LNX1: variants seen among roughly 807,000 people sequenced by gnomAD.
LNX1 encodes the protein ligand of numb-protein X 1.
LNX1 carries 54 observed loss-of-function variants against 68.4 expected under a neutral mutation model. The ratio of observed to expected loss-of-function variants is 0.79; its 90% CI spans 0.63 to 0.99. The LOEUF (loss-of-function observed/expected upper bound fraction) is 0.99, where lower values mean the gene tolerates loss of function less well. LNX1 is among the 50% of genes least tolerant of loss of function. The pLI is 0.00. For synonymous variants in LNX1, 336 were observed against 350.0 expected (o/e 0.96, Z 0.45); for missense variants, 906 against 926.4 (o/e 0.98, Z 0.29).
chr4:53,505,265 CT>C (rs556353878), intron 4 of LNX1, among the ~76,000 whole-genome samples: 75 of 147,548 alleles, frequency 5.1e-4, no homozygotes, highest in Admixed American at 9.4e-4. Flanking sequence ...TTCAAGATAA[CT>C]TTTTTTTTTT....
intron 9 of LNX1, among the ~76,000 whole-genome samples, chr4:53,466,525 A>G (rs1283203417): frequency 6.6e-6 from 1 of 152,212 alleles, no homozygotes; most frequent in African/African-American, 2.4e-5. Flanking sequence ...AGCACGAGCC[A>G]AAGCAGGGCA....
intron 1 of LNX1, among the ~76,000 whole-genome samples, chr4:53,640,341 C>T (rs542236266): frequency 6.6e-6 from 1 of 152,170 alleles, no homozygotes; most frequent in African/African-American, 2.4e-5. Flanking sequence ...GGGAGAGCAT[C>T]CTTAGCTGTG....
rs114820452 is a variant in LNX1 at position 53,583,761 on chromosome 4, G to A, written c.-87+7627C>T. Reference sequence around the variant, plus strand: ...ATTAGACGCAAGTTTTAGAAGTCAGGGAATGCCTTTCATAAGCAGGTTAGA... The same window carrying A: ...ATTAGACGCAAGTTTTAGAAGTCAGAGAATGCCTTTCATAAGCAGGTTAGA... On this transcript the variant is annotated intron_variant, in intron 1 of 10. Coordinates refer to ENST00000263925, the MANE Select transcript of LNX1 (RefSeq NM_001126328.3). 8.7e-3 allele frequency among the ~76,000 whole-genome samples: 1,332 copies of A among 152,244 alleles called. 13 individuals are homozygous for A. The highest frequency in any genetic ancestry group is 0.03 in the African/African-American group (1,248 of 41,550).
At chr4:53,527,712 C>T (rs1258551361) in intron 2 of LNX1, among the ~76,000 whole-genome samples, 1 of 152,204 alleles carries the variant, frequency 6.6e-6, no homozygotes, top group Admixed American at 6.5e-5. Flanking sequence ...CTCATACTCA[C>T]ACATCCAAAT....
At chr4:53,469,138 G>A (rs1298117595) in intron 9 of LNX1, among the ~76,000 whole-genome samples, 17 of 151,978 alleles carry the variant, frequency 1.1e-4, no homozygotes, top group African/African-American at 4.1e-4. Flanking sequence ...ATAACAAACT[G>A]TCTCTCAGAC....
intron 2 of LNX1, among the ~76,000 whole-genome samples, chr4:53,612,537 A>G (rs1733536218): frequency 6.6e-6 from 1 of 152,174 alleles, no homozygotes; most frequent in African/African-American, 2.4e-5. Flanking sequence ...GGAAAAATAC[A>G]GTCATTAAGA....
intron 8 of LNX1, 64 bp downstream of exon 8, chr4:53,478,501 C>A (rs1723710612): frequency 5.7e-6 from 8 of 1,398,618 alleles, no homozygotes; most frequent in South Asian, 1.3e-5. Context: ...AGTCACCTAA[C>A]AAGCTACTAA....
At chr4:53,538,274 C>G (rs546483811) in intron 2 of LNX1, among the ~76,000 whole-genome samples, 13 of 152,306 alleles carry the variant, frequency 8.5e-5, no homozygotes, top group Non-Finnish European at 1.8e-4. Flanking sequence ...GGACTGCCTA[C>G]AGAACAGTTG....
rs777462181 is a variant in LNX1 at position 53,573,946 on chromosome 4, T to A, written c.57A>T (p.Gln19His). 6.2e-7 allele frequency: 1 copy of A among 1,613,768 alleles called. No homozygotes were observed. Residue 19 changes from glutamine to histidine, a missense_variant, in exon 2 of 11, where the codon CAA becomes CAT. By Grantham distance (24) the Gln-to-His change is conservative (BLOSUM62 0). Coordinates refer to ENST00000263925, the MANE Select transcript of LNX1 (RefSeq NM_001126328.3). ...DPEPLCAVCGQAHSLEENHFY... is the reference protein window; with the variant it reads ...DPEPLCAVCGHAHSLEENHFY... ...AGTGGTTTTCCTCCAAGGAGTGGGC[T>A]TGGCCACACACTGCACACAGGGGTT...
intron 2 of LNX1, among the ~76,000 whole-genome samples, chr4:53,533,633 C>T (rs1243894231): frequency 2.0e-5 from 3 of 152,102 alleles, no homozygotes; most frequent in Non-Finnish European, 4.4e-5. Context: ...CTCCTGTCCT[C>T]GAGTGATCCG....
rs574585243 is a variant in LNX1, at chr4:53,480,574, G to A, written c.1485+1146C>T. On this transcript the variant is annotated intron_variant, in intron 7 of 10. Coordinates refer to ENST00000263925, the MANE Select transcript of LNX1 (RefSeq NM_001126328.3). ...GCATTTACTAGCAAAAAGACATCAC[G>A]GAGTCCTTATCCATAAAATGTTTTA... is the stretch of plus-strand genomic sequence containing the variant. Among the ~76,000 whole-genome samples, 5 of 152,160 alleles carry A rather than the reference G, an allele frequency of 3.3e-5. No individual in the cohort carries two copies. In the South Asian group the frequency reaches 1.0e-3, roughly 32 times the overall value.
chr4:53,525,842 G>T (rs1248828407), intron 2 of LNX1, among the ~76,000 whole-genome samples: 2 of 152,168 alleles, frequency 1.3e-5, no homozygotes, highest in Non-Finnish European at 2.9e-5. Context: ...TTGGTGTGGG[G>T]AGGCACTGGC....
intron 6 of LNX1, among the ~76,000 whole-genome samples, chr4:53,492,506 T>TGTGAGAGAGAGAGAGAGAGAGA (rs1724750044): frequency 3.4e-5 from 3 of 88,998 alleles, no homozygotes; most frequent in Middle Eastern, 7.8e-3. Context: ...CAGAGGGCTC[T>TGTGAGAGAGAGAGAGAGAGAGA]GAGAGAGAGA....
At chr4:53,522,877 TTTA>T (rs1397180061) in intron 2 of LNX1, 2 of 152,130 alleles carry the variant, frequency 1.3e-5, no homozygotes, top group Admixed American at 1.3e-4. Flanking sequence ...GCTAATGTGT[TTTA>T]TTTATTCTTT....
At chr4:53,617,743 C>A (rs981093957), upstream of LNX1, among the ~76,000 whole-genome samples, 20 of 152,164 alleles carry the variant, frequency 1.3e-4, no homozygotes, top group African/African-American at 4.8e-4. Context: ...AATTGTAATA[C>A]AGAGATGTTA....
intron 2 of LNX1, among the ~76,000 whole-genome samples, chr4:53,520,494 G>A (rs113053793): frequency 5.9e-5 from 9 of 152,300 alleles, no homozygotes; most frequent in African/African-American, 1.7e-4. Context: ...TGGGGTCACC[G>A]AGTTCATTTC....
intron 4 of LNX1, chr4:53,500,299 G>C (rs1218545785): frequency 6.6e-6 from 1 of 151,916 alleles, no homozygotes; most frequent in African/African-American, 2.4e-5. Context: ...TGTTCAGAGG[G>C]GACACCAACA....
chr4:53,557,623 C>T (rs1388792167), intron 2 of LNX1, among the ~76,000 whole-genome samples: 2 of 151,398 alleles, frequency 1.3e-5, no homozygotes, highest in African/African-American at 4.9e-5. Flanking sequence ...CCCAAAAAAG[C>T]AGCACTGACA....
intron 6 of LNX1, among the ~76,000 whole-genome samples, chr4:53,495,051 C>G (rs1724951785): frequency 6.6e-6 from 1 of 152,004 alleles, no homozygotes; most frequent in South Asian, 2.1e-4. Context: ...TTATAGGGAT[C>G]TTTGTGGTGA....
Sources: allele counts gnomAD v4.1 joint callset (sites outside exome capture counted in the v4.1 genomes callset), GRCh38; gene constraint gnomAD v4.1.1; transcripts MANE v1.5; gene names NCBI Gene and HGNC (gene_info 2026-07-23, HGNC 2026-07-21).